Variants in ANKRD18A observed in about 807,000 individuals in gnomAD.
ANKRD18A encodes ankyrin repeat domain 18A.
Under a neutral mutation model 110.6 loss-of-function variants are expected in ANKRD18A, and 72 were observed. The ratio of observed to expected loss-of-function variants is 0.65; its 90% confidence interval spans 0.54 to 0.79. The LOEUF (loss-of-function observed/expected upper bound fraction) is 0.79. Ranked by LOEUF, ANKRD18A falls within the 30% of genes least tolerant of loss-of-function variation. ANKRD18A has a pLI of 0.00. For missense variants in ANKRD18A, 934 were observed against 1,163.3 expected, an observed-to-expected ratio of 0.80 and a Z score of 2.87; for synonymous variants, 305 against 410.3, an observed-to-expected ratio of 0.74 and a Z score of 3.10.
intron 15 of ANKRD18A, chr9:38,572,703 T>C (rs1310012317): frequency 6.4e-6 from 1 of 155,092 alleles, no homozygotes; most frequent in East Asian, 1.9e-4. Flanking sequence ...TGAGTGTTTT[T>C]ATTTCATGGT....
At chr9:38,598,573 C>T (rs1410205212) in intron 8 of ANKRD18A, among the ~76,000 whole-genome samples, 8 of 152,168 alleles carry the variant, frequency 5.3e-5, no homozygotes, top group African/African-American at 1.9e-4. Context: ...TTGTAACAAG[C>T]CTATCTCATT....
At chr9:38,609,776 G>A (rs1190050436) in intron 5 of ANKRD18A, among the ~76,000 whole-genome samples, 1 of 152,000 alleles carries the variant, frequency 6.6e-6, no homozygotes. Context: ...GGCATAGGAG[G>A]TAGCCCTAGG....
At chr9:38,603,322 A>G in intron 6 of ANKRD18A, 110 bp from the exon 7 acceptor site, 1 of 1,464,850 alleles carries the variant, frequency 6.8e-7, no homozygotes, top group South Asian at 1.3e-5. Flanking sequence ...AATCCTACCC[A>G]TCTTTTTTAG....
chr9:38,599,021 T>G (rs1034768980), intron 8 of ANKRD18A, among the ~76,000 whole-genome samples: 5 of 152,208 alleles, frequency 3.3e-5, no homozygotes, highest in African/African-American at 7.2e-5. Flanking sequence ...CTCTTGGTCT[T>G]TTTTCATTTC....
chr9:38,587,940 T>C lies in ANKRD18A; in HGVS notation c.2117+611A>G, dbSNP rs541178610. Among the ~76,000 whole-genome samples, 3 of 152,048 alleles carry C rather than the reference T, an allele frequency of 2.0e-5. No individual in the cohort carries two copies. In the South Asian group the frequency reaches 6.2e-4, roughly 32 times the overall value. On this transcript the variant is annotated intron_variant, in intron 11 of 15. Coordinates refer to ENST00000399703, the MANE Select transcript of ANKRD18A (RefSeq NM_147195.4). ...CCATCTCTACTAAAAATACAAAAAT[T>C]AGCCAGGCAGGGTGGTGCACACCTG...
chr9:38,576,889 C>T (rs1295344740), intron 14 of ANKRD18A, among the ~76,000 whole-genome samples, 164 bp downstream of exon 14: 1 of 152,128 alleles, frequency 6.6e-6, no homozygotes, highest in Non-Finnish European at 1.5e-5. Context: ...CCTTGATGAA[C>T]ATTTTAAAGG....
At chr9:38,573,722 GA>G (rs1053917037) in intron 15 of ANKRD18A, among the ~76,000 whole-genome samples, 10 of 142,730 alleles carry the variant, frequency 7.0e-5, no homozygotes, top group African/African-American at 1.0e-4. Context: ...TCAAAAAAAA[GA>G]AAAAAAAAAG....
At chr9:38,598,055 C>T (rs616170) in intron 8 of ANKRD18A, among the ~76,000 whole-genome samples, 1 of 152,176 alleles carries the variant, frequency 6.6e-6, no homozygotes, top group African/African-American at 2.4e-5. Flanking sequence ...CATGAAAGCA[C>T]ATTAAACAGA....
chr9:38,593,680 C>T, intron 10 of ANKRD18A, 80 bp downstream of exon 10: 8 of 1,250,348 alleles, frequency 6.4e-6, no homozygotes, highest in Non-Finnish European at 8.2e-6. Context: ...AAGCTGTCCA[C>T]TGAAATTAGT....
intron 13 of ANKRD18A, among the ~76,000 whole-genome samples, chr9:38,577,477 A>T (rs1435019904): frequency 6.6e-6 from 1 of 152,318 alleles, no homozygotes; most frequent in East Asian, 1.9e-4. Flanking sequence ...TACTTATGTT[A>T]GTATTAATGT....
At chr9:38,567,573 C>T (rs1364842794), downstream of ANKRD18A, 3 of 152,756 alleles carry the variant, frequency 2.0e-5, no homozygotes, top group Admixed American at 1.3e-4. Flanking sequence ...TCTCTGTCTT[C>T]CCTTCTGCCA....
At chr9:38,573,933 C>T (rs552406073) in intron 15 of ANKRD18A, among the ~76,000 whole-genome samples, 97 of 151,172 alleles carry the variant, frequency 6.4e-4, no homozygotes, top group African/African-American at 9.7e-4. Context: ...TAAATTAAAG[C>T]GGTACCTGTG....
chr9:38,577,015 G>C (rs776566907), intron 14 of ANKRD18A, 38 bp downstream of exon 14: 12 of 1,520,232 alleles, frequency 7.9e-6, no homozygotes, highest in Non-Finnish European at 9.7e-6. Context: ...AAATTAATGA[G>C]CTGAATTCAT....
chr9:38,604,047 C>G (rs1825246546), intron 6 of ANKRD18A: 1 of 152,412 alleles, frequency 6.6e-6, no homozygotes, highest in African/African-American at 2.4e-5. Flanking sequence ...TCTTTGTAAT[C>G]CCAGCACTTT....
downstream of ANKRD18A, among the ~76,000 whole-genome samples, chr9:38,570,101 G>T (rs1371729999): frequency 6.6e-6 from 1 of 152,074 alleles, no homozygotes; most frequent in African/African-American, 2.4e-5. Context: ...GCCCCAACGA[G>T]GCCCCTAATG....
chr9:38,610,423 A>G lies in ANKRD18A; in HGVS notation c.603-13T>C. ...TATGAGGGCTGTTCTAAAATAATAA[A>G]GAAATAACAGCACTCAAGAACTTTG... is the stretch of plus-strand genomic sequence containing the variant. On this transcript the variant is annotated splice_polypyrimidine_tract_variant and intron_variant, in intron 4 of 15. Transcript: ENST00000399703. 3 of 1,534,882 alleles carry G rather than the reference A, an allele frequency of 2.0e-6. No homozygotes were observed. Among genetic ancestry groups the G allele is most frequent in the Non-Finnish European group, 2.6e-6 (3 of 1,142,208 alleles).
intron 8 of ANKRD18A, among the ~76,000 whole-genome samples, chr9:38,597,648 T>G (rs772966750): frequency 6.6e-5 from 10 of 152,152 alleles, no homozygotes; most frequent in Admixed American, 6.5e-5. Context: ...ATACATCAAA[T>G]TTGTCAAATA....
rs1170667612 is a variant in ANKRD18A at position 38,610,337 on chromosome 9, T to TA, written c.675dup (p.Ile226TyrfsTer19). ...TGGCCAAACATGTCTTGAGAAGAGATACGTATATTTTGTTGAAGCAGGAGG... is the reference window on the plus strand; with the variant it reads ...TGGCCAAACATGTCTTGAGAAGAGATAACGTATATTTTGTTGAAGCAGGAGG... On this transcript the variant is annotated frameshift_variant, in exon 5 of 16. Coordinates refer to ENST00000399703, the MANE Select transcript of ANKRD18A (RefSeq NM_147195.4). LOFTEE classifies it high-confidence loss of function. 3.9e-6 allele frequency: 6 copies of TA among 1,551,374 alleles called. No homozygotes were observed. Among genetic ancestry groups the TA allele is most frequent in the South Asian group, 2.4e-5 (2 of 83,958 alleles).
intron 9 of ANKRD18A, among the ~76,000 whole-genome samples, chr9:38,594,168 C>T (rs942272232): frequency 1.3e-5 from 2 of 152,180 alleles, no homozygotes; most frequent in South Asian, 4.1e-4. Flanking sequence ...CTCAACTCAA[C>T]CTGAGTTCCT....
Sources: gnomAD v4.1 joint callset for allele counts (sites outside exome capture counted in the v4.1 genomes callset) on GRCh38, gnomAD v4.1.1 for gene constraint, MANE v1.5 for transcripts, NCBI Gene and HGNC (gene_info 2026-07-23, HGNC 2026-07-21) for gene names.